Variants in GALNT2 observed in about 807,000 individuals in gnomAD.
GALNT2 encodes polypeptide N-acetylgalactosaminyltransferase 2, also known as UDP-GalNAc:polypeptide N-acetylgalactosaminyltransferase 2.
In GALNT2, 31 loss-of-function variants were observed where a neutral mutation model predicts 81.4. That is an observed-to-expected ratio of 0.38 (90% confidence interval 0.29 to 0.51). GALNT2 has a LOEUF of 0.51. Among genes scored for constraint, GALNT2 ranks in the 20% least tolerant of loss-of-function variants. The pLI is 0.87. For synonymous variants in GALNT2, 303 were observed against 287.4 expected, an observed-to-expected ratio of 1.05 and a Z score of -0.55; for missense variants, 629 against 765.7, an observed-to-expected ratio of 0.82 and a Z score of 2.11.
At chr1:230,128,582 A>G (rs1661267024) in intron 1 of GALNT2, among the ~76,000 whole-genome samples, 1 of 121,572 alleles carries the variant, frequency 8.2e-6, no homozygotes, top group African/African-American at 3.2e-5. Flanking sequence ...AACAGGAATG[A>G]TCTTAGAGAA....
intron 1 of GALNT2, among the ~76,000 whole-genome samples, chr1:230,106,898 A>C (rs546224955): frequency 1.3e-5 from 2 of 152,212 alleles, no homozygotes; most frequent in African/African-American, 2.4e-5. Context: ...TGCTGTGAAA[A>C]GGGCACTATT....
At chr1:230,069,713 A>AT (rs397713038) in intron 1 of GALNT2, among the ~76,000 whole-genome samples, 1 of 151,536 alleles carries the variant, frequency 6.6e-6, no homozygotes, top group Non-Finnish European at 1.5e-5. Flanking sequence ...CAAAAAAAAA[A>AT]TGTGGTTTGT....
chr1:230,261,359 A>G (rs1665872474), intron 11 of GALNT2, among the ~76,000 whole-genome samples: 1 of 152,234 alleles, frequency 6.6e-6, no homozygotes, highest in Non-Finnish European at 1.5e-5. Context: ...ATCTCAGATC[A>G]GTTGAAAGTT....
chr1:230,250,630 A>G, intron 10 of GALNT2, 70 bp downstream of exon 10: 1 of 1,173,642 alleles, frequency 8.5e-7, no homozygotes, highest in Non-Finnish European at 1.2e-6. Context: ...TGCCAATTGG[A>G]AAAAAAATTT....
At chr1:230,265,195 G>T in intron 13 of GALNT2, 46 bp from the exon 14 acceptor site, 3 of 1,612,520 alleles carry the variant, frequency 1.9e-6, no homozygotes, top group Non-Finnish European at 1.7e-6. Context: ...GACGGGAGCT[G>T]GTGGTCATGT....
chr1:230,146,874 C>G (rs1661933121), intron 1 of GALNT2, among the ~76,000 whole-genome samples: 1 of 152,034 alleles, frequency 6.6e-6, no homozygotes, highest in Non-Finnish European at 1.5e-5. Context: ...AGGTAAGAAC[C>G]ACGCAGGGTC....
intron 1 of GALNT2, among the ~76,000 whole-genome samples, chr1:230,141,787 CCTTT>C (rs1207096164): frequency 1.3e-5 from 1 of 77,380 alleles, no homozygotes; most frequent in Non-Finnish European, 2.7e-5. Flanking sequence ...CTTTTGTTTT[CCTTT>C]TTTTTTTTTT....
Position 230,243,557 on chromosome 1 carries a change from G to A in GALNT2, c.729+130G>A, listed in dbSNP as rs1001072072. ...AGGGCTGGTAGGGGCTGAGCTCGCCGTCTGCAGTTTTCCTTGATAGAAGGA... is the reference window on the plus strand; with the variant it reads ...AGGGCTGGTAGGGGCTGAGCTCGCCATCTGCAGTTTTCCTTGATAGAAGGA... On this transcript the variant is annotated intron_variant, in intron 7 of 15. Coordinates refer to ENST00000366672, the MANE Select transcript of GALNT2 (RefSeq NM_004481.5). The surrounding 1 kb of genome is among the most constrained non-coding windows in gnomAD (Gnocchi z 4.2). 32 of 1,188,736 alleles carry A rather than the reference G, an allele frequency of 2.7e-5. No individual in the cohort carries two copies. In the Admixed American group the frequency reaches 3.7e-4, roughly 14 times the overall value. 73.6% of individuals were successfully genotyped at this position (1,188,736 alleles called of 1,614,324 possible). A position where few individuals can be genotyped will look rare whatever the true frequency, so the allele number is the denominator to read the frequency against.
intron 3 of GALNT2, among the ~76,000 whole-genome samples, chr1:230,228,044 G>A (rs1270956215): frequency 6.6e-6 from 1 of 152,008 alleles, no homozygotes; most frequent in East Asian, 1.9e-4. Flanking sequence ...ACAAAAACCG[G>A]TATCAGTAAC....
At chr1:230,274,610 A>C (rs771995176) in intron 15 of GALNT2, 46 bp downstream of exon 15, 14 of 1,609,880 alleles carry the variant, frequency 8.7e-6, no homozygotes, top group Non-Finnish European at 1.1e-5. Flanking sequence ...AACCCAGACC[A>C]GGGTAGCCAC....
rs551557188 is a variant in GALNT2, at chr1:230,221,736, T to C, written c.375-14278T>C. On this transcript the variant is annotated intron_variant, in intron 3 of 15. Coordinates refer to ENST00000366672, the MANE Select transcript of GALNT2 (RefSeq NM_004481.5). ...TTTTATTTTCATTACAGTAATCCTT[T>C]GATAACCTTTTAAAATTCTTCCATG... Among the ~76,000 whole-genome samples, 28 of 152,314 alleles carry C rather than the reference T, an allele frequency of 1.8e-4. No homozygotes were observed. In the East Asian group the frequency reaches 5.2e-3, roughly 28 times the overall value.
intron 11 of GALNT2, 55 bp downstream of exon 11, chr1:230,255,399 A>G: frequency 6.2e-7 from 1 of 1,611,580 alleles, no homozygotes; most frequent in Non-Finnish European, 8.5e-7. Flanking sequence ...CCCTGAAAGC[A>G]GGACCTGACC....
chr1:230,189,063 C>A (rs544509179), intron 2 of GALNT2, among the ~76,000 whole-genome samples: 115 of 152,278 alleles, frequency 7.6e-4, no homozygotes, highest in Non-Finnish European at 1.4e-3. Flanking sequence ...CCGAGGTCTG[C>A]CTCTGAGGAC....
Position 230,279,752 on chromosome 1 carries a change from A to C in GALNT2, c.*294A>C. On this transcript the variant is annotated 3_prime_UTR_variant, in exon 16 of 16. Transcript: ENST00000366672. This position sits in a 1 kb window ranked among gnomAD's most constrained non-coding sequence, Gnocchi z 4.6. ...CTTCTGCCGGCTCCGCAACTGAGTG[A>C]CACCCAGCGACAACCGACTGGGGAG... is the stretch of plus-strand genomic sequence containing the variant. 1.9e-6 allele frequency: 1 copy of C among 515,756 alleles called. No individual in the cohort carries two copies. The highest frequency in any genetic ancestry group is 3.7e-6 in the Non-Finnish European group (1 of 270,092). 31.9% of individuals were successfully genotyped at this position (515,756 alleles called of 1,614,324 possible).
At chr1:230,112,611 G>A (rs377354683) in intron 1 of GALNT2, among the ~76,000 whole-genome samples, 7 of 152,174 alleles carry the variant, frequency 4.6e-5, no homozygotes, top group African/African-American at 7.2e-5. Flanking sequence ...GCTGTGATTC[G>A]TTCTTTTCCA....
At chr1:230,263,125 C>T in intron 13 of GALNT2, 120 bp downstream of exon 13, 1 of 773,890 alleles carries the variant, frequency 1.3e-6, no homozygotes, top group Non-Finnish European at 2.2e-6. Flanking sequence ...ACCTGGGCCC[C>T]AGTGAGAGCC....
intron 1 of GALNT2, among the ~76,000 whole-genome samples, chr1:230,059,053 A>C (rs189655561): frequency 1.5e-4 from 23 of 152,268 alleles, no homozygotes; most frequent in African/African-American, 5.5e-4. Flanking sequence ...AAGCAGTCAT[A>C]ATTTTGTTTC....
intron 11 of GALNT2, among the ~76,000 whole-genome samples, chr1:230,260,047 C>A (rs958966112): frequency 2.6e-5 from 4 of 152,164 alleles, no homozygotes; most frequent in African/African-American, 9.7e-5. Context: ...AGGTCAGATG[C>A]CTTAAACTGT....
intron 3 of GALNT2, among the ~76,000 whole-genome samples, chr1:230,217,294 C>T (rs1392158113): frequency 6.6e-6 from 1 of 152,090 alleles, no homozygotes; most frequent in African/African-American, 2.4e-5. Flanking sequence ...GGTGTTTAGG[C>T]AAAGACCTGA....
Sources: allele counts gnomAD v4.1 joint callset (sites outside exome capture counted in the v4.1 genomes callset), GRCh38; gene constraint gnomAD v4.1.1; non-coding constraint Gnocchi (gnomAD v3.1); transcripts MANE v1.5; gene names NCBI Gene and HGNC (gene_info 2026-07-23, HGNC 2026-07-21).